The following ZNF695 variants were observed in gnomAD, a reference collection of about 807,000 sequenced individuals.
The protein encoded by ZNF695 is zinc finger protein SBZF3.
In ZNF695, 11 loss-of-function variants were observed where a neutral mutation model predicts 11.2. The observed-to-expected ratio is 0.98, with a 90% CI of 0.62 to 1.62. The LOEUF (loss-of-function observed/expected upper bound fraction) is 1.62, where lower values mean the gene tolerates loss of function less well. ZNF695 is among the 40% of genes most tolerant of loss of function. ZNF695 has a pLI of 0.00. For missense variants in ZNF695, 559 were observed against 590.5 expected (o/e 0.95, Z 0.55); for synonymous variants, 190 against 201.4 (o/e 0.94, Z 0.48).
At chr1:246,946,281 C>A (rs558667028) in intron 5 of ZNF695, among the ~76,000 whole-genome samples, 1 of 152,250 alleles carries the variant, frequency 6.6e-6, no homozygotes, top group African/African-American at 2.4e-5. Flanking sequence ...CTATCTACAC[C>A]ATGAAAATTT....
chr1:246,949,704 C>A (rs1667825673), intron 5 of ZNF695, among the ~76,000 whole-genome samples: 1 of 152,192 alleles, frequency 6.6e-6, no homozygotes, highest in South Asian at 2.1e-4. Flanking sequence ...GATCTTTCCA[C>A]CTCATCAAAG....
At chr1:246,961,943 A>T (rs979886302) in intron 5 of ZNF695, among the ~76,000 whole-genome samples, 1 of 152,244 alleles carries the variant, frequency 6.6e-6, no homozygotes, top group African/African-American at 2.4e-5. Flanking sequence ...CCTCAATGGC[A>T]CTGTGCTTTG....
At chr1:246,988,813 G>A (rs2818892) in intron 3 of ZNF695, among the ~76,000 whole-genome samples, 180 of 152,218 alleles carry the variant, frequency 1.2e-3, no homozygotes, top group African/African-American at 3.8e-3. Flanking sequence ...ACATTAGGCC[G>A]GGCGCGGTGG....
At chr1:246,960,893 G>T (rs1213907795) in intron 5 of ZNF695, among the ~76,000 whole-genome samples, 1 of 152,132 alleles carries the variant, frequency 6.6e-6, no homozygotes. Context: ...ACTCCAGCCT[G>T]GGTGGAGACC....
At chr1:246,984,828 T>C (rs2103021162), downstream of ZNF695, among the ~76,000 whole-genome samples, 1 of 152,360 alleles carries the variant, frequency 6.6e-6, no homozygotes, top group African/African-American at 2.4e-5. Context: ...CACCAATAAG[T>C]TTCATAAAAT....
At chr1:247,000,203 T>C in intron 1 of ZNF695, 129 bp from the exon 2 acceptor site, 2 of 816,978 alleles carry the variant, frequency 2.4e-6, no homozygotes, top group East Asian at 2.8e-5. Flanking sequence ...TAAGATAATT[T>C]TTAACACAGA....
chr1:246,959,981 A>G (rs1239238175), intron 5 of ZNF695, among the ~76,000 whole-genome samples: 1 of 152,228 alleles, frequency 6.6e-6, no homozygotes, highest in South Asian at 2.1e-4. Context: ...GTAAGCTGCT[A>G]TCTTCATGCA....
intron 1 of ZNF695, 97 bp from the exon 2 acceptor site, chr1:247,000,171 AT>A (rs979379807): frequency 2.0e-6 from 2 of 982,192 alleles, no homozygotes; most frequent in Admixed American, 5.6e-5. Context: ...TCTGACTTAT[AT>A]GAGTGACTAG....
chr1:246,966,777 C>T (rs1183486280), intron 5 of ZNF695: 5 of 456,262 alleles, frequency 1.1e-5, no homozygotes, highest in Non-Finnish European at 1.8e-5. Flanking sequence ...GAGCAAGACC[C>T]TATTTTTAAA....
downstream of ZNF695, among the ~76,000 whole-genome samples, chr1:246,980,400 G>T (rs1277941767): frequency 7.0e-6 from 1 of 142,376 alleles, no homozygotes; most frequent in Non-Finnish European, 1.5e-5. Context: ...CAAACTATAA[G>T]ATTTGCCCCC....
intron 5 of ZNF695, among the ~76,000 whole-genome samples, chr1:246,959,868 G>A (rs1021268988): frequency 6.6e-6 from 1 of 151,996 alleles, no homozygotes; most frequent in Admixed American, 6.6e-5. Flanking sequence ...GAAGATAGGC[G>A]GTGAAAGTGG....
At chr1:247,007,234 G>C (rs1669564403) in intron 1 of ZNF695, among the ~76,000 whole-genome samples, 1 of 152,092 alleles carries the variant, frequency 6.6e-6, no homozygotes, top group Non-Finnish European at 1.5e-5. Context: ...GACCGGGCGC[G>C]GTGGCTCACG....
chr1:246,989,253 G>A (rs1668955287), intron 3 of ZNF695, among the ~76,000 whole-genome samples: 1 of 152,164 alleles, frequency 6.6e-6, no homozygotes, highest in Non-Finnish European at 1.5e-5. Context: ...CAACAAGAGT[G>A]AAACTTTGTC....
intron 4 of ZNF695, among the ~76,000 whole-genome samples, chr1:246,977,497 C>T (rs957678158): frequency 3.3e-5 from 5 of 152,198 alleles, no homozygotes; most frequent in Non-Finnish European, 5.9e-5. Context: ...CGTGATCCAC[C>T]CGCCTCAGCC....
intron 5 of ZNF695, among the ~76,000 whole-genome samples, chr1:246,959,297 A>ATAAAAT (rs1558304374): frequency 3.1e-5 from 2 of 64,666 alleles, no homozygotes; most frequent in Non-Finnish European, 5.7e-5. Flanking sequence ...AAAAAAAAAA[A>ATAAAAT]AAAAAAAAAA....
chr1:247,007,877 T>G, intron 1 of ZNF695, 29 bp downstream of exon 1: 1 of 1,540,254 alleles, frequency 6.5e-7, no homozygotes, highest in Non-Finnish European at 8.8e-7. Context: ...CCCTCTCCCT[T>G]CTCGGGACAC....
At chr1:247,006,203 C>T (rs1181349935) in intron 1 of ZNF695, among the ~76,000 whole-genome samples, 14 of 138,702 alleles carry the variant, frequency 1.0e-4, no homozygotes, top group African/African-American at 5.5e-5. Context: ...CCAGCCTGGG[C>T]GACAGAGCGA....
At chr1:246,968,529 T>C (rs1352532473) in intron 4 of ZNF695, 1 of 152,306 alleles carries the variant, frequency 6.6e-6, no homozygotes, top group Non-Finnish European at 1.5e-5. Context: ...TGGAGGACAG[T>C]GGCCCTCTTC....
At chr1:246,973,353 G>A (rs902838784) in intron 4 of ZNF695, among the ~76,000 whole-genome samples, 2 of 152,106 alleles carry the variant, frequency 1.3e-5, no homozygotes, top group Non-Finnish European at 2.9e-5. Context: ...CCGGCCGAAC[G>A]TCACATATTT....
Sources: gnomAD v4.1 joint callset for allele counts (sites outside exome capture counted in the v4.1 genomes callset) on GRCh38, gnomAD v4.1.1 for gene constraint, MANE v1.5 for transcripts, NCBI Gene and HGNC (gene_info 2026-07-23, HGNC 2026-07-21) for gene names.